The following OR51B5 variants were observed in gnomAD, a reference collection of about 807,000 sequenced individuals.
OR51B5 encodes olfactory receptor 51B5.
For missense variants in OR51B5, 456 were observed against 374.6 expected, an observed-to-expected ratio of 1.22 and a Z score of -1.79; for synonymous variants, 186 against 144.8, an observed-to-expected ratio of 1.28 and a Z score of -2.04.
At chr11:5,426,653 C>A (rs7948082) in intron 1 of OR51B5, among the ~76,000 whole-genome samples, 78,505 of 151,834 alleles carry the variant, frequency 0.52, 21,040 homozygotes, top group Non-Finnish European at 0.59. Flanking sequence ...AAAGCCCCTA[C>A]AGTATAGTTT....
At chr11:5,413,331 G>A (rs550226501) in intron 1 of OR51B5, among the ~76,000 whole-genome samples, 2 of 152,022 alleles carry the variant, frequency 1.3e-5, no homozygotes, top group East Asian at 1.9e-4. Flanking sequence ...CCACAAAGAT[G>A]GGGAAAAAAC....
intron 1 of OR51B5, among the ~76,000 whole-genome samples, chr11:5,504,010 T>C (rs1159620938): frequency 6.6e-6 from 1 of 152,094 alleles, no homozygotes; most frequent in Non-Finnish European, 1.5e-5. Context: ...ACTACTAATA[T>C]CTGCGCTAAA....
At chr11:5,387,685 C>A (rs565736866) in intron 1 of OR51B5, among the ~76,000 whole-genome samples, 1 of 151,996 alleles carries the variant, frequency 6.6e-6, no homozygotes, top group Non-Finnish European at 1.5e-5. Context: ...ACTTGTCAAG[C>A]TGCTCTCTGC....
intron 1 of OR51B5, among the ~76,000 whole-genome samples, chr11:5,458,800 C>T (rs1271565795): frequency 2.0e-5 from 3 of 151,972 alleles, no homozygotes; most frequent in Non-Finnish European, 4.4e-5. Flanking sequence ...TTTTGTATAT[C>T]AATTTGTCTT....
intron 1 of OR51B5, among the ~76,000 whole-genome samples, chr11:5,359,757 C>T (rs970268533): frequency 8.6e-5 from 13 of 151,286 alleles, no homozygotes; most frequent in African/African-American, 3.2e-4. Flanking sequence ...TACAAGGCTA[C>T]AGTAACCAAA....
At chr11:5,361,156 G>T (rs574596096) in intron 1 of OR51B5, among the ~76,000 whole-genome samples, 56,883 of 151,634 alleles carry the variant, frequency 0.38, 10,877 homozygotes, top group Non-Finnish European at 0.41. Flanking sequence ...AAGAAAGAAA[G>T]AAAGAAATCT....
intron 1 of OR51B5, among the ~76,000 whole-genome samples, chr11:5,502,094 C>A (rs778956424): frequency 6.6e-6 from 1 of 152,176 alleles, no homozygotes; most frequent in African/African-American, 2.4e-5. Context: ...TTGTCCACTT[C>A]TTGTCATACA....
chr11:5,341,109 T>TTCTTAAGTTGGACTCTCTATGAGC (rs1460634544), downstream of OR51B5: 5 of 152,184 alleles, frequency 3.3e-5, no homozygotes, highest in Admixed American at 1.3e-4. Flanking sequence ...ATTGCAGTTT[T>TTCTTAAGTTGGACTCTCTATGAGC]TCTTAAGTTG....
intron 1 of OR51B5, among the ~76,000 whole-genome samples, chr11:5,494,067 G>A (rs1277819914): frequency 6.6e-6 from 1 of 152,152 alleles, no homozygotes; most frequent in Non-Finnish European, 1.5e-5. Flanking sequence ...CTGTCAGCCA[G>A]CCAGACTCAG....
At chr11:5,424,642 C>T (rs185927564) in intron 1 of OR51B5, among the ~76,000 whole-genome samples, 5 of 152,076 alleles carry the variant, frequency 3.3e-5, no homozygotes, top group Admixed American at 1.3e-4. Context: ...GGCAGGGTTT[C>T]ACTGGGGACC....
intron 1 of OR51B5, among the ~76,000 whole-genome samples, chr11:5,375,208 A>T (rs188658419): frequency 7.2e-6 from 1 of 137,934 alleles, no homozygotes; most frequent in Non-Finnish European, 1.6e-5. Flanking sequence ...AATTTTCAAC[A>T]CAGAATTTAA....
At chr11:5,425,229 AAG>A (rs930168373) in intron 1 of OR51B5, among the ~76,000 whole-genome samples, 1 of 152,188 alleles carries the variant, frequency 6.6e-6, no homozygotes, top group African/African-American at 2.4e-5. Flanking sequence ...TATGGGTCAA[AAG>A]AAAATTTTTG....
rs746174694 is a variant in OR51B5 at position 5,440,692 on chromosome 11, G to C, written n.84+64877C>G. The C allele has an allele frequency of 1.9e-6, 3 of 1,613,930 alleles. No homozygotes were observed. The East Asian group carries it at 6.7e-5, about 36-fold the overall frequency. On this transcript the variant is annotated intron_variant and non_coding_transcript_variant, in intron 1 of 4. Transcript: ENST00000415970. ...AGGTAGACATTGGACATCATGACAT[G>C]AACAACAGGTGGAGCACTTTTCCAG...
At chr11:5,362,699 G>T (rs535755651) in intron 1 of OR51B5, 4 of 222,144 alleles carry the variant, frequency 1.8e-5, no homozygotes, top group Non-Finnish European at 3.8e-5. Flanking sequence ...TTTGGCCATC[G>T]ACATGTTCTT....
At chr11:5,345,621 T>C (rs559211687), upstream of OR51B5, among the ~76,000 whole-genome samples, 24 of 152,154 alleles carry the variant, frequency 1.6e-4, no homozygotes, top group African/African-American at 5.5e-4. Flanking sequence ...CATCCCTTGC[T>C]TTTTTTTCTT....
In OR51B5 at chr11:5,397,622, A is replaced by C. The variant is rs574793346; in HGVS notation, n.85-50712T>G. ...TTGGTGGGACTGTAAACTAGTTCAAACATTGTGGAAGTCAGTGTGGTGATT... is the reference window on the plus strand; with the variant it reads ...TTGGTGGGACTGTAAACTAGTTCAACCATTGTGGAAGTCAGTGTGGTGATT... On this transcript the variant is annotated intron_variant and non_coding_transcript_variant, in intron 1 of 4. Coordinates refer to the OR51B5 transcript ENST00000415970. Among the ~76,000 whole-genome samples, 84 of 150,764 alleles carry C rather than the reference A, an allele frequency of 5.6e-4. 4 individuals carry two copies. In the South Asian group the frequency reaches 0.012, roughly 22 times the overall value.
chr11:5,466,833 G>A (rs907756198), intron 1 of OR51B5, among the ~76,000 whole-genome samples: 6 of 152,212 alleles, frequency 3.9e-5, no homozygotes, highest in Admixed American at 2.0e-4. Flanking sequence ...GTCTGGTCCA[G>A]GAGGACATTC....
intron 1 of OR51B5, among the ~76,000 whole-genome samples, chr11:5,503,733 G>A (rs1446808720): frequency 1.3e-5 from 2 of 152,114 alleles, no homozygotes; most frequent in Non-Finnish European, 2.9e-5. Flanking sequence ...TGTAGGCTAT[G>A]GTAATGACGA....
chr11:5,375,275 G>A (rs911880627), intron 1 of OR51B5, among the ~76,000 whole-genome samples: 34 of 151,232 alleles, frequency 2.2e-4, no homozygotes, highest in African/African-American at 8.2e-4. Flanking sequence ...TTACAGACAA[G>A]CAAATGCTGA....
Sources: gnomAD v4.1 joint callset for allele counts (sites outside exome capture counted in the v4.1 genomes callset) on GRCh38, gnomAD v4.1.1 for gene constraint, MANE v1.5 for transcripts, NCBI Gene and HGNC (gene_info 2026-07-23, HGNC 2026-07-21) for gene names.